Variants in GRM3 observed in about 807,000 individuals in gnomAD.
The protein encoded by GRM3 is glutamate metabotropic receptor 3.
Under a neutral mutation model 70.5 loss-of-function variants are expected in GRM3, and 26 were observed. The observed-to-expected ratio is 0.37, with a 90% CI of 0.27 to 0.51. The LOEUF (loss-of-function observed/expected upper bound fraction) is 0.51, where lower values mean the gene tolerates loss of function less well. GRM3 is among the 20% of genes least tolerant of loss of function. GRM3 has a pLI of 0.93. For missense variants in GRM3, 859 were observed against 1,123.8 expected (o/e 0.76, Z 3.37); for synonymous variants, 443 against 434.9 (o/e 1.02, Z -0.23).
At chr7:86,707,777 C>T (rs986565212) in intron 1 of GRM3, among the ~76,000 whole-genome samples, 2 of 152,020 alleles carry the variant, frequency 1.3e-5, no homozygotes, top group African/African-American at 4.8e-5. Context: ...AAGCAGAATG[C>T]TTTTATCATC....
chr7:86,678,414 A>C (rs926315592), intron 1 of GRM3, among the ~76,000 whole-genome samples: 2 of 152,164 alleles, frequency 1.3e-5, no homozygotes, highest in East Asian at 3.9e-4. Context: ...CCATTCCTGC[A>C]AGGAGAAAAA....
intron 3 of GRM3, among the ~76,000 whole-genome samples, chr7:86,822,819 A>G (rs371248364): frequency 1.3e-5 from 2 of 152,228 alleles, no homozygotes; most frequent in African/African-American, 4.8e-5. Context: ...CAATCTCTGG[A>G]TGATCCTCAA....
chr7:86,702,201 T>A (rs1292467972), intron 1 of GRM3, among the ~76,000 whole-genome samples: 1 of 151,996 alleles, frequency 6.6e-6, no homozygotes, highest in Non-Finnish European at 1.5e-5. Context: ...CAACAGAAAA[T>A]GAAAAGGAGA....
intron 1 of GRM3, among the ~76,000 whole-genome samples, chr7:86,720,228 C>A (rs951383654): frequency 1.3e-5 from 2 of 151,834 alleles, no homozygotes; most frequent in Non-Finnish European, 2.9e-5. Flanking sequence ...GAGGCTTTTA[C>A]GATAATTCCA....
At chr7:86,834,689 G>A (rs1356588270) in intron 3 of GRM3, among the ~76,000 whole-genome samples, 4 of 150,432 alleles carry the variant, frequency 2.7e-5, no homozygotes, top group Non-Finnish European at 4.4e-5. Context: ...AAATTGCTAT[G>A]AGAACAGTGA....
chr7:86,646,011 G>GT (rs1793459914), intron 1 of GRM3, among the ~76,000 whole-genome samples: 1 of 84,846 alleles, frequency 1.2e-5, no homozygotes, highest in African/African-American at 4.2e-5. Context: ...GGGGGTGGGG[G>GT]GGGGTGGGAG....
intron 2 of GRM3, among the ~76,000 whole-genome samples, chr7:86,783,745 G>A (rs1303747710): frequency 2.0e-5 from 3 of 152,144 alleles, no homozygotes; most frequent in African/African-American, 7.2e-5. Flanking sequence ...AAAAGGAGCA[G>A]CTCACTGTGA....
intron 2 of GRM3, among the ~76,000 whole-genome samples, chr7:86,785,680 A>G (rs1309827178): frequency 7.5e-6 from 1 of 133,592 alleles, no homozygotes; most frequent in Non-Finnish European, 1.6e-5. Context: ...GACTAAATAG[A>G]ATTGATTTTT....
At chr7:86,733,144 C>G (rs981693941) in intron 1 of GRM3, among the ~76,000 whole-genome samples, 2 of 151,888 alleles carry the variant, frequency 1.3e-5, no homozygotes, top group African/African-American at 2.4e-5. Context: ...GAAACCCCAT[C>G]TCTACTAAAA....
At chr7:86,709,577 G>T (rs1795145218) in intron 1 of GRM3, among the ~76,000 whole-genome samples, 2 of 151,888 alleles carry the variant, frequency 1.3e-5, no homozygotes, top group Non-Finnish European at 2.9e-5. Flanking sequence ...GGGGGGTGGG[G>T]GTAGCAAATG....
intron 1 of GRM3, among the ~76,000 whole-genome samples, chr7:86,737,574 GGTT>G (rs546837120): frequency 3.9e-4 from 60 of 152,228 alleles, no homozygotes; most frequent in African/African-American, 1.4e-3. Context: ...AATTTGTTAC[GGTT>G]ATTATTAAAC....
At chr7:86,665,564 T>C (rs1794004743) in intron 1 of GRM3, among the ~76,000 whole-genome samples, 1 of 152,036 alleles carries the variant, frequency 6.6e-6, no homozygotes, top group South Asian at 2.1e-4. Context: ...CCCGTCTGCA[T>C]GTTAATTAAA....
chr7:86,746,000 G>T lies in GRM3; in HGVS notation c.-140-19006G>T, dbSNP rs374743093. ...ACTAAACAGATGTGTCTAATCCCAT[G>T]CCTAGGAAAAAAATAGGTTCTTGAT... On this transcript the variant is annotated intron_variant, in intron 1 of 5. Coordinates refer to ENST00000361669, the MANE Select transcript of GRM3 (RefSeq NM_000840.3). 5.3e-5 allele frequency among the ~76,000 whole-genome samples: 8 copies of T among 152,056 alleles called. 1 individual carries two copies. The South Asian group carries it at 1.7e-3, about 32-fold the overall frequency.
rs999183746 is a variant in GRM3 at position 86,644,635 on chromosome 7, C to T, written c.-378C>T. On this transcript the variant is annotated 5_prime_UTR_variant, in exon 1 of 6. Coordinates refer to ENST00000361669, the MANE Select transcript of GRM3 (RefSeq NM_000840.3). ...GTTCTGCCACCGGGCAGTGGTCCAG[C>T]GTGCAGCCGGGAGGGGGCAGGGGCA... The T allele has an allele frequency of 8.5e-6, 4 of 472,694 alleles. No homozygotes were observed. Among genetic ancestry groups the T allele is most frequent in the East Asian group, 6.9e-5 (1 of 14,476 alleles). The allele number at this position is 472,694 out of a possible 1,614,324, so 29.3% of individuals were successfully genotyped here. A position where few individuals can be genotyped will look rare whatever the true frequency, so the allele number is the denominator to read the frequency against.
chr7:86,819,607 A>T (rs1478355917), intron 3 of GRM3, among the ~76,000 whole-genome samples: 7 of 152,140 alleles, frequency 4.6e-5, no homozygotes. Context: ...GGACAAGCAC[A>T]TCACAATGGC....
chr7:86,675,768 CTAA>C (rs1404171951), intron 1 of GRM3, among the ~76,000 whole-genome samples: 9 of 152,120 alleles, frequency 5.9e-5, no homozygotes, highest in African/African-American at 1.4e-4. Context: ...ATTCTTCTTG[CTAA>C]AAGAAGCATT....
At chr7:86,687,715 A>G (rs1794599856) in intron 1 of GRM3, among the ~76,000 whole-genome samples, 1 of 152,058 alleles carries the variant, frequency 6.6e-6, no homozygotes, top group African/African-American at 2.4e-5. Flanking sequence ...GGTAAACGTA[A>G]TTGCATATGG....
intron 2 of GRM3, among the ~76,000 whole-genome samples, chr7:86,782,132 T>G (rs1393184456): frequency 1.3e-5 from 2 of 152,178 alleles, no homozygotes; most frequent in African/African-American, 2.4e-5. Context: ...ATCATGCTTA[T>G]TCATTTATAT....
At chr7:86,856,362 C>T (rs1306071777) in intron 5 of GRM3, among the ~76,000 whole-genome samples, 1 of 150,556 alleles carries the variant, frequency 6.6e-6, no homozygotes, top group East Asian at 2.0e-4. Context: ...AGGAGAATTG[C>T]TTGAACCCGG....
Sources: allele counts gnomAD v4.1 joint callset (sites outside exome capture counted in the v4.1 genomes callset), GRCh38; gene constraint gnomAD v4.1.1; transcripts MANE v1.5; gene names NCBI Gene and HGNC (gene_info 2026-07-23, HGNC 2026-07-21).